BRF1: variants seen among roughly 807,000 people sequenced by gnomAD.
The protein encoded by BRF1 is BRF1 general transcription factor IIIB subunit.
Under a neutral mutation model 81.7 loss-of-function variants are expected in BRF1, and 59 were observed. That is an observed-to-expected ratio of 0.72 (90% confidence interval 0.59 to 0.90). BRF1 has a LOEUF of 0.90. Among genes scored for constraint, BRF1 ranks in the 40% least tolerant of loss-of-function variants. The probability of loss-of-function intolerance (pLI) is 0.00; values close to 1 mark genes in which losing one functional copy is unlikely to be tolerated. For missense variants in BRF1, 1,050 were observed against 936.3 expected, an observed-to-expected ratio of 1.12 and a Z score of -1.58; for synonymous variants, 491 against 395.6, an observed-to-expected ratio of 1.24 and a Z score of -2.86.
intron 4 of BRF1, 89 bp downstream of exon 4, chr14:105,256,429 C>T (rs773291221): frequency 1.2e-6 from 2 of 1,613,588 alleles, no homozygotes; most frequent in Admixed American, 1.7e-5. Context: ...TGCGTGGAGG[C>T]ACCTGGGGTA....
intron 1 of BRF1, among the ~76,000 whole-genome samples, chr14:105,296,080 C>CAAAAAA (rs58030113): frequency 1.8e-5 from 1 of 56,890 alleles, no homozygotes; most frequent in African/African-American, 6.7e-5. Flanking sequence ...CACTCTATCT[C>CAAAAAA]AAAAAAAAAA....
chr14:105,211,413 C>T (rs1566791591), intron 16 of BRF1, 120 bp from the exon 17 acceptor site: 4 of 1,004,438 alleles, frequency 4.0e-6, no homozygotes, highest in Non-Finnish European at 4.2e-6. Context: ...ACCAGTGGCT[C>T]CCGGGGTTGG....
chr14:105,313,186 C>G (rs1338475792), intron 1 of BRF1, among the ~76,000 whole-genome samples: 2 of 152,216 alleles, frequency 1.3e-5, no homozygotes, highest in African/African-American at 4.8e-5. Flanking sequence ...ATGTGTCAGG[C>G]GGCCCATCCG....
Position 105,296,844 on chromosome 14 carries a change from C to T in BRF1, c.184+3602G>A, listed in dbSNP as rs369994784. ...CCACTTATAATAACTCCTAATAGAG[C>T]TTAGGTACACATCTAAAAAATGTCC... On this transcript the variant is annotated intron_variant, in intron 1 of 17. Coordinates refer to ENST00000547530, the MANE Select transcript of BRF1 (RefSeq NM_001519.4). Among the ~76,000 whole-genome samples, 9 of 152,122 alleles carry T rather than the reference C, an allele frequency of 5.9e-5. No homozygotes were observed. The South Asian group carries it at 1.7e-3, about 28-fold the overall frequency.
rs199596634 is a variant in BRF1 at position 105,226,095 on chromosome 14, C to T, written c.1022G>A (p.Gly341Glu). 6.2e-7 allele frequency: 1 copy of T among 1,613,944 alleles called. No individual in the cohort carries two copies. The highest frequency in any genetic ancestry group is 1.1e-5 in the South Asian group (1 of 91,092). ...ATCTTTTGCCAGGCTGGCCAGGCCC[C>T]CCTTGGCCTTTGGCCGGCTGTTTTC... is the stretch of plus-strand genomic sequence containing the variant. ...ELENSRPKAK[G>E]GLASLAKDGS... Residue 341 changes from glycine (G) to glutamate (E), a missense_variant, in exon 10 of 18, where the codon GGG becomes GAG. Gly to Glu is a moderately conservative substitution (Grantham distance 98). Around this residue, in one of 2 missense-constraint regions of BRF1, gnomAD observed 1,043 missense variants for 915.4 expected, o/e 1.14. Coordinates refer to ENST00000547530, the MANE Select transcript of BRF1 (RefSeq NM_001519.4).
chr14:105,267,703 G>C (rs2056482344), intron 3 of BRF1, among the ~76,000 whole-genome samples: 1 of 152,186 alleles, frequency 6.6e-6, no homozygotes, highest in Non-Finnish European at 1.5e-5. Flanking sequence ...CACTTAAACT[G>C]TTATAAATGC....
At chr14:105,256,649 G>A in intron 3 of BRF1, 100 bp from the exon 4 acceptor site, 1 of 1,514,264 alleles carries the variant, frequency 6.6e-7, no homozygotes, top group South Asian at 1.3e-5. Context: ...GCAGGGAGCT[G>A]GAGTCGCCCC....
chr14:105,217,505 G>C (rs747844993), intron 15 of BRF1, 39 bp downstream of exon 15: 1 of 1,594,156 alleles, frequency 6.3e-7, no homozygotes, highest in East Asian at 2.3e-5. Flanking sequence ...CCCGCCCTGG[G>C]CTGCTGCCCT....
Position 105,307,384 on chromosome 14 carries a change from G to A in BRF1, c.-162+7938C>T, listed in dbSNP as rs145502200. 3.3e-5 allele frequency among the ~76,000 whole-genome samples: 5 copies of A among 152,198 alleles called. No homozygotes were observed. In the East Asian group the frequency reaches 9.7e-4, roughly 29 times the overall value. ...ACTGAAATGACCCAGTTCTAATTCTGCTCAGCTTGCCTCCTCTGCCTTGCC... is the reference window on the plus strand; with the variant it reads ...ACTGAAATGACCCAGTTCTAATTCTACTCAGCTTGCCTCCTCTGCCTTGCC... On this transcript the variant is annotated intron_variant, in intron 1 of 17. Transcript: ENST00000327359.
At position 105,249,441 on chromosome 14, in the gene BRF1, C is replaced by T. The variant is rs771279024; in HGVS notation, c.544+3066G>A. The T allele has an allele frequency of 1.2e-6, 2 of 1,613,652 alleles. No homozygotes were observed. Among genetic ancestry groups the T allele is most frequent in the Non-Finnish European group, 1.7e-6 (2 of 1,180,022 alleles). ...GGAAGTCAAATCTGAAATTCACATT[C>T]CAGACGTGGAGCCCGCAGCCTTTCT... is the stretch of plus-strand genomic sequence containing the variant. On this transcript the variant is annotated intron_variant, in intron 5 of 17. Transcript: ENST00000547530.
At chr14:105,215,710 GCA>G (rs942757040) in intron 15 of BRF1, among the ~76,000 whole-genome samples, 85 of 80,064 alleles carry the variant, frequency 1.1e-3, no homozygotes, top group Admixed American at 1.6e-3. Flanking sequence ...ATGCACACAG[GCA>G]CACACACACA....
At chr14:105,304,695 G>A (rs1414031786), upstream of BRF1, among the ~76,000 whole-genome samples, 1 of 152,168 alleles carries the variant, frequency 6.6e-6, no homozygotes, top group Non-Finnish European at 1.5e-5. Context: ...AAACAAAAGA[G>A]GTTTATTGGA....
In BRF1 at chr14:105,229,478, G is replaced by C. The variant is rs1317156531; in HGVS notation, c.695-565C>G. ...GCACGAGGGTAAGGGCCCGGATGAG[G>C]AGTGAGGGCCCTGCCGACCTGGGGC... On this transcript the variant is annotated intron_variant, in intron 6 of 17. Transcript: ENST00000547530. Among the ~76,000 whole-genome samples the C allele has an allele frequency of 2.0e-5, 3 of 152,222 alleles. No homozygotes were observed. The South Asian group carries it at 6.2e-4, about 31-fold the overall frequency.
At chr14:105,229,014 T>C (rs1037304001) in intron 6 of BRF1, 101 bp from the exon 7 acceptor site, 12 of 1,085,116 alleles carry the variant, frequency 1.1e-5, no homozygotes, top group Non-Finnish European at 1.7e-5. Flanking sequence ...ACGGAGATGA[T>C]GGCCTGAGAA....
intron 4 of BRF1, among the ~76,000 whole-genome samples, chr14:105,255,647 C>T (rs1276048410): frequency 6.6e-6 from 1 of 152,216 alleles, no homozygotes; most frequent in African/African-American, 2.4e-5. Flanking sequence ...CAGCACCGTC[C>T]CTGCAGAGCC....
At chr14:105,263,560 C>T (rs1182637673) in intron 3 of BRF1, among the ~76,000 whole-genome samples, 7 of 152,122 alleles carry the variant, frequency 4.6e-5, no homozygotes, top group South Asian at 2.1e-4. Flanking sequence ...ATCCTTCAGC[C>T]GGGAACCAAG....
chr14:105,300,745 C>T lies in BRF1; in HGVS notation c.-116G>A, dbSNP rs2057978149. 1.2e-6 allele frequency: 1 copy of T among 808,502 alleles called. No homozygotes were observed. Among genetic ancestry groups the T allele is most frequent in the Non-Finnish European group, 1.6e-6 (1 of 615,274 alleles). The allele number at this position is 808,502 out of a possible 1,614,324, so 50.1% of individuals were successfully genotyped here. A position where few individuals can be genotyped will look rare whatever the true frequency, so the allele number is the denominator to read the frequency against. On this transcript the variant is annotated 5_prime_UTR_variant, in exon 1 of 18. Coordinates refer to ENST00000547530, the MANE Select transcript of BRF1 (RefSeq NM_001519.4). Reference sequence around the variant, plus strand: ...AGCCGCCCAGGCCTCGCCGCTCTCGCGAGGCCCCGCTCCAGCCGATTCGCA... The same window carrying T: ...AGCCGCCCAGGCCTCGCCGCTCTCGTGAGGCCCCGCTCCAGCCGATTCGCA...
chr14:105,293,948 C>T (rs1566872526), intron 1 of BRF1, among the ~76,000 whole-genome samples: 1 of 152,214 alleles, frequency 6.6e-6, no homozygotes, highest in Non-Finnish European at 1.5e-5. Context: ...TAGAAAACGA[C>T]AGCTCAGAGA....
Position 105,286,271 on chromosome 14 carries a change from C to A in BRF1, c.265+25G>T, listed in dbSNP as rs199943348. On this transcript the variant is annotated intron_variant, in intron 2 of 17. Coordinates refer to ENST00000547530, the MANE Select transcript of BRF1 (RefSeq NM_001519.4). Reference sequence around the variant, plus strand: ...CCATCTCTGGGACCCGCCGCACGCTCAGCAGCATCCGCGGTGGGAAATACC... The same window carrying A: ...CCATCTCTGGGACCCGCCGCACGCTAAGCAGCATCCGCGGTGGGAAATACC... The A allele has an allele frequency of 1.3e-5, 21 of 1,605,544 alleles. No individual in the cohort carries two copies. In the Admixed American group the frequency reaches 1.5e-4, roughly 12 times the overall value.
Sources: allele counts gnomAD v4.1 joint callset (sites outside exome capture counted in the v4.1 genomes callset), GRCh38; gene constraint gnomAD v4.1.1; regional missense constraint gnomAD v4.1.1; transcripts MANE v1.5; gene names NCBI Gene and HGNC (gene_info 2026-07-23, HGNC 2026-07-21).